Variants in LMO7 observed in about 807,000 individuals in gnomAD.
LMO7 encodes the protein LIM domain 7, also known as LIM domain only protein 7.
In LMO7, 120 loss-of-function variants were observed where a neutral mutation model predicts 206.5. The ratio of observed to expected loss-of-function variants is 0.58; its 90% CI spans 0.50 to 0.68. LMO7 has a LOEUF of 0.68. Ranked by LOEUF, LMO7 falls within the 30% of genes least tolerant of loss-of-function variation. LMO7 has a pLI of 0.00. For synonymous variants in LMO7, 706 were observed against 681.5 expected, an observed-to-expected ratio of 1.04 and a Z score of -0.56; for missense variants, 1,959 against 1,957.9, an observed-to-expected ratio of 1.00 and a Z score of -0.01.
intron 1 of LMO7, among the ~76,000 whole-genome samples, chr13:75,646,703 C>A (rs2139078910): frequency 6.6e-6 from 1 of 152,272 alleles, no homozygotes; most frequent in East Asian, 1.9e-4. Context: ...CCTGCCTCAG[C>A]CTCCCAAGTA....
At chr13:75,810,837 G>C (rs1274165359) in intron 11 of LMO7, among the ~76,000 whole-genome samples, 1 of 152,198 alleles carries the variant, frequency 6.6e-6, no homozygotes, top group Non-Finnish European at 1.5e-5. Flanking sequence ...GACTGAGTTA[G>C]AGAAGAAGAC....
intron 1 of LMO7, among the ~76,000 whole-genome samples, chr13:75,637,178 G>A (rs557644888): frequency 7.2e-5 from 11 of 151,786 alleles, no homozygotes; most frequent in Admixed American, 3.3e-4. Flanking sequence ...CAGTGTGGAG[G>A]GGGGGAGCGG....
intron 1 of LMO7, among the ~76,000 whole-genome samples, chr13:75,697,784 G>A (rs776351439): frequency 2.1e-4 from 32 of 152,170 alleles, no homozygotes; most frequent in Non-Finnish European, 3.5e-4. Context: ...ATTACTACTT[G>A]ATCAACGGGA....
chr13:75,784,293 G>C (rs975743291), intron 4 of LMO7, among the ~76,000 whole-genome samples: 3 of 152,150 alleles, frequency 2.0e-5, no homozygotes, highest in African/African-American at 7.2e-5. Flanking sequence ...AAAATTTAGT[G>C]TGTTGTATCT....
chr13:75,725,069 T>C (rs2044348819), intron 2 of LMO7, among the ~76,000 whole-genome samples: 4 of 152,184 alleles, frequency 2.6e-5, no homozygotes. Flanking sequence ...ATCTTTTCTA[T>C]TTCCTTTACC....
intron 4 of LMO7, among the ~76,000 whole-genome samples, chr13:75,780,479 A>T (rs996756601): frequency 1.3e-5 from 2 of 152,172 alleles, no homozygotes; most frequent in Non-Finnish European, 2.9e-5. Context: ...GTCAGACTTT[A>T]TGGTTATCTC....
rs777078324 is a variant in LMO7 at position 75,817,158 on chromosome 13, T to C, written c.1947-3T>C. On this transcript the variant is annotated splice_polypyrimidine_tract_variant and splice_region_variant and intron_variant, in intron 11 of 30. Coordinates refer to ENST00000377534, the MANE Select transcript of LMO7 (RefSeq NM_001306080.2). ...GTAGTAACCATGAGTCTTTTTGTTGTAGGAGTAAGTCCATGAGTGATGTCA... is the reference window on the plus strand; with the variant it reads ...GTAGTAACCATGAGTCTTTTTGTTGCAGGAGTAAGTCCATGAGTGATGTCA... The C allele has an allele frequency of 1.2e-6, 2 of 1,606,500 alleles. No homozygotes were observed. The highest frequency in any genetic ancestry group is 1.1e-5 in the South Asian group (1 of 90,710).
intron 11 of LMO7, 136 bp from the exon 12 acceptor site, chr13:75,817,025 C>G: frequency 1.6e-6 from 1 of 607,138 alleles, no homozygotes; most frequent in Non-Finnish European, 3.0e-6. Context: ...CTCTGTAGTG[C>G]TACTTCTGTG....
upstream of LMO7, among the ~76,000 whole-genome samples, chr13:75,634,899 GA>G (rs2035553919): frequency 6.6e-6 from 1 of 151,898 alleles, no homozygotes; most frequent in Non-Finnish European, 1.5e-5. Flanking sequence ...CCAGCTGCTC[GA>G]GAGGCTAAGG....
Position 75,713,211 on chromosome 13 carries a change from AG to A in LMO7, c.100del (p.Asp34IlefsTer6), listed in dbSNP as rs779647662. ...AVTEKNFETK[D>X]FRASLENGVL... Reference sequence around the variant, plus strand: ...TAACAGAGAAGAATTTTGAAACAAAAGATTTTCGAGCCTCTCTAGAAAATGG... The same window carrying A: ...TAACAGAGAAGAATTTTGAAACAAAAATTTTCGAGCCTCTCTAGAAAATGG... On this transcript the variant is annotated frameshift_variant, in exon 2 of 31. Transcript: ENST00000377534. LOFTEE classifies it high-confidence loss of function. The A allele has an allele frequency of 6.2e-7, 1 of 1,611,766 alleles. No homozygotes were observed. The highest frequency in any genetic ancestry group is 8.5e-7 in the Non-Finnish European group (1 of 1,178,598).
intron 1 of LMO7, among the ~76,000 whole-genome samples, chr13:75,675,369 C>T (rs140898717): frequency 1.3e-5 from 2 of 152,234 alleles, no homozygotes; most frequent in African/African-American, 4.8e-5. Flanking sequence ...CCACCGTGCC[C>T]GGCCTGTTAC....
intron 3 of LMO7, among the ~76,000 whole-genome samples, chr13:75,755,130 A>C (rs1293265325): frequency 6.6e-6 from 1 of 152,062 alleles, no homozygotes; most frequent in Admixed American, 6.5e-5. Flanking sequence ...AGTAGGAGAC[A>C]GACTTGCAGA....
chr13:75,737,597 C>CA (rs2045939556), intron 3 of LMO7, among the ~76,000 whole-genome samples: 1 of 146,274 alleles, frequency 6.8e-6, no homozygotes, highest in Non-Finnish European at 1.5e-5. Context: ...ACTAAAAATA[C>CA]AAAAAATTAG....
At chr13:75,847,674 T>C (rs980499485) in intron 26 of LMO7, among the ~76,000 whole-genome samples, 1 of 152,200 alleles carries the variant, frequency 6.6e-6, no homozygotes, top group African/African-American at 2.4e-5. Context: ...ATGTTCTTGA[T>C]TGATTTAATT....
Position 75,753,859 on chromosome 13 carries a change from A to G in LMO7, c.211-7073A>G, listed in dbSNP as rs1291409091. Among the ~76,000 whole-genome samples the G allele has an allele frequency of 3.3e-5, 5 of 152,354 alleles. No individual in the cohort carries two copies. The East Asian group carries it at 7.7e-4, about 23-fold the overall frequency. ...TATAGCAGCATGAGAATGAACTAATACAACTAGACATTTATATTTTTAAAC... is the reference window on the plus strand; with the variant it reads ...TATAGCAGCATGAGAATGAACTAATGCAACTAGACATTTATATTTTTAAAC... On this transcript the variant is annotated intron_variant, in intron 3 of 30. Transcript: ENST00000377534.
chr13:75,647,479 C>T (rs1883628789), intron 1 of LMO7, among the ~76,000 whole-genome samples: 1 of 152,048 alleles, frequency 6.6e-6, no homozygotes, highest in South Asian at 2.1e-4. Flanking sequence ...TGAAAGTAAG[C>T]AAGTATCATA....
chr13:75,840,013 A>C, intron 20 of LMO7, 72 bp from the exon 21 acceptor site: 1 of 1,446,680 alleles, frequency 6.9e-7, no homozygotes, highest in Non-Finnish European at 9.7e-7. Context: ...GAAGTTTCTG[A>C]AAGGAATTAT....
intron 1 of LMO7, among the ~76,000 whole-genome samples, chr13:75,695,898 G>A (rs1211996830): frequency 6.6e-6 from 1 of 151,882 alleles, no homozygotes; most frequent in East Asian, 1.9e-4. Context: ...ACTTTGAAAT[G>A]AGCTGTTTTT....
chr13:75,786,753 A>G lies in LMO7; in HGVS notation c.318-8648A>G, dbSNP rs541458970. On this transcript the variant is annotated intron_variant, in intron 4 of 30. Transcript: ENST00000377534. ...GTTCTATTTCATCTCTGTGCTGACA[A>G]CTCCACTAATTACATCTCTAGTCTA... Among the ~76,000 whole-genome samples the G allele has an allele frequency of 8.6e-5, 13 of 151,910 alleles. No individual in the cohort carries two copies. In the South Asian group the frequency reaches 2.7e-3, roughly 32 times the overall value.
Sources: allele counts gnomAD v4.1 joint callset (sites outside exome capture counted in the v4.1 genomes callset), GRCh38; gene constraint gnomAD v4.1.1; transcripts MANE v1.5; gene names NCBI Gene and HGNC (gene_info 2026-07-23, HGNC 2026-07-21).